The following TSC22D2 variants were observed in gnomAD, a reference collection of about 807,000 sequenced individuals.
The protein encoded by TSC22D2 is TSC22 domain family member 2.
Under a neutral mutation model 50.1 loss-of-function variants are expected in TSC22D2, and 5 were observed. That is an observed-to-expected ratio of 0.10 (90% CI 0.05 to 0.21). TSC22D2 has a LOEUF of 0.21. Ranked by LOEUF, TSC22D2 falls within the 10% of genes least tolerant of loss-of-function variation. The pLI is 1.00. For synonymous variants in TSC22D2, 501 were observed against 450.1 expected (o/e 1.11, Z -1.43); for missense variants, 1,003 against 1,015.5 (o/e 0.99, Z 0.17).
At chr3:150,434,152 G>T (rs1206525344) in intron 1 of TSC22D2, among the ~76,000 whole-genome samples, 258 of 135,446 alleles carry the variant, frequency 1.9e-3, no homozygotes, top group African/African-American at 5.2e-3. Context: ...AGGGTTTTTT[G>T]TTTTTTTTTT....
intron 1 of TSC22D2, among the ~76,000 whole-genome samples, chr3:150,417,065 T>C (rs1415830919): frequency 1.3e-5 from 2 of 152,140 alleles, no homozygotes; most frequent in Non-Finnish European, 1.5e-5. Flanking sequence ...CTGGGACATA[T>C]ACCTATTATT....
chr3:150,423,175 T>A, intron 1 of TSC22D2: 1 of 1,337,396 alleles, frequency 7.5e-7, no homozygotes, highest in Non-Finnish European at 1.1e-6. Context: ...CATGAATTGC[T>A]TTGCACTGTA....
chr3:150,437,172 T>C (rs1401142451), intron 1 of TSC22D2, among the ~76,000 whole-genome samples: 1 of 152,166 alleles, frequency 6.6e-6, no homozygotes, highest in African/African-American at 2.4e-5. Context: ...ATTCAGTGAT[T>C]AACATAGATG....
At chr3:150,420,975 C>T (rs1432719730) in intron 1 of TSC22D2, among the ~76,000 whole-genome samples, 2 of 152,072 alleles carry the variant, frequency 1.3e-5, no homozygotes, top group African/African-American at 2.4e-5. Context: ...CCCCGCTACT[C>T]GGGAGGCTGA....
At position 150,410,134 on chromosome 3, in the gene TSC22D2, A is replaced by C. The variant is rs1383113597; in HGVS notation, c.784A>C (p.Thr262Pro). ...CCCGTCGGAGAAAATGAGCCAGCCC[A>C]CTCCGGCCCAGCCGCAGAGTTTTAG... is the stretch of plus-strand genomic sequence containing the variant. ...LPPSEKMSQP[T>P]PAQPQSFSVG... is the part of the protein sequence containing the mutation. The change falls in exon 1 of 3, where the codon ACT (threonine) becomes CCT (proline). Residue 262 changes from threonine to proline, a missense_variant. Physicochemically the swap from Thr to Pro is conservative, Grantham distance 38. Around this residue, in one of 6 missense-constraint regions of TSC22D2, gnomAD observed 696 missense variants for 647.8 expected, o/e 1.07. Coordinates refer to ENST00000688009, the MANE Select transcript of TSC22D2 (RefSeq NM_001303264.2). 2 of 1,611,580 alleles carry C rather than the reference A, an allele frequency of 1.2e-6. No individual in the cohort carries two copies. Among genetic ancestry groups the C allele is most frequent in the South Asian group, 1.1e-5 (1 of 91,048 alleles).
rs1259201452 is a variant in TSC22D2, at chr3:150,410,223, G to C, written c.873G>C (p.Pro291=). The part of the protein sequence containing the change: ...VGGAVAQSSA[P]LPPFPGAATG... ...GGGCTGTGGCTCAAAGCTCGGCTCC[G>C]CTGCCGCCGTTCCCGGGAGCCGCGA... The change falls in exon 1 of 3, where the codon CCG becomes CCC. Residue 291 remains proline, a synonymous_variant. Coordinates refer to ENST00000688009, the MANE Select transcript of TSC22D2 (RefSeq NM_001303264.2). The C allele has an allele frequency of 6.4e-7, 1 of 1,574,298 alleles. No individual in the cohort carries two copies. The highest frequency in any genetic ancestry group is 8.6e-7 in the Non-Finnish European group (1 of 1,160,454).
chr3:150,458,305 G>C, intron 2 of TSC22D2, 71 bp from the exon 3 acceptor site: 7 of 1,493,334 alleles, frequency 4.7e-6, no homozygotes, highest in East Asian at 2.3e-5. Context: ...TTAGCACCAA[G>C]TAGGCCAGAA....
chr3:150,438,149 T>G, intron 1 of TSC22D2: 1 of 332,940 alleles, frequency 3.0e-6, no homozygotes, highest in South Asian at 2.4e-5. Context: ...ATAAAAGATT[T>G]TTAAAGGCTA....
At chr3:150,452,159 A>G (rs189707549) in intron 1 of TSC22D2, among the ~76,000 whole-genome samples, 1 of 152,154 alleles carries the variant, frequency 6.6e-6, no homozygotes, top group Admixed American at 6.5e-5. Flanking sequence ...AAAAATAGAG[A>G]TCAAGGCTGG....
At position 150,458,453 on chromosome 3, in the gene TSC22D2, T is replaced by G. The variant is rs1220169422; in HGVS notation, c.2088T>G (p.Val696=). The G allele has an allele frequency of 1.2e-6, 2 of 1,614,016 alleles. No individual in the cohort carries two copies. Among genetic ancestry groups the G allele is most frequent in the African/African-American group, 2.7e-5 (2 of 74,912 alleles). Residue 696 remains valine (V), a synonymous_variant, in exon 3 of 3, where the codon GTT becomes GTG. Coordinates refer to ENST00000688009, the MANE Select transcript of TSC22D2 (RefSeq NM_001303264.2). Reference sequence around the variant, plus strand: ...TAAAGGAACAAATAAAAGAATTAGTTGAAAGAAACTCTTTACTTGAACGAG... The same window carrying G: ...TAAAGGAACAAATAAAAGAATTAGTGGAAAGAAACTCTTTACTTGAACGAG... ...EVLKEQIKEL[V]ERNSLLEREN...
In TSC22D2 at chr3:150,410,868, T is replaced by C. The variant is rs749018579; in HGVS notation, c.1518T>C (p.Val506=). Residue 506 remains valine (V), a synonymous_variant, in exon 1 of 3, where the codon GTT becomes GTC. Coordinates refer to ENST00000688009, the MANE Select transcript of TSC22D2 (RefSeq NM_001303264.2). The part of the protein sequence containing the change: ...PGGPHAVVPG[V]PNVPAAVPAP... Reference sequence around the variant, plus strand: ...GCCCTCACGCCGTGGTGCCCGGAGTTCCAAACGTGCCTGCAGCCGTGCCCG... The same window carrying C: ...GCCCTCACGCCGTGGTGCCCGGAGTCCCAAACGTGCCTGCAGCCGTGCCCG... 6.2e-7 allele frequency: 1 copy of C among 1,613,804 alleles called. No homozygotes were observed. The highest frequency in any genetic ancestry group is 1.1e-5 in the South Asian group (1 of 91,080).
At chr3:150,454,701 G>A (rs930441319) in intron 1 of TSC22D2, among the ~76,000 whole-genome samples, 1 of 152,180 alleles carries the variant, frequency 6.6e-6, no homozygotes, top group South Asian at 2.1e-4. Flanking sequence ...CTTCAAGATA[G>A]TTAAAGGTCA....
At chr3:150,427,805 T>C (rs1028177554) in intron 1 of TSC22D2, among the ~76,000 whole-genome samples, 4 of 151,956 alleles carry the variant, frequency 2.6e-5, no homozygotes, top group Non-Finnish European at 4.4e-5. Context: ...CTCCTTCCTT[T>C]CTTCTTCTCT....
Position 150,458,372 on chromosome 3 carries a change from A to G in TSC22D2, c.2011-4A>G, listed in dbSNP as rs1435384073. The G allele has an allele frequency of 2.5e-6, 4 of 1,609,122 alleles. No homozygotes were observed. The highest frequency in any genetic ancestry group is 3.4e-6 in the Non-Finnish European group (4 of 1,177,424). ...TTTGACATTCCTAATTTTGTTTTTCACAGGATCTGGTGAAAAGCCATTTGA... is the reference window on the plus strand; with the variant it reads ...TTTGACATTCCTAATTTTGTTTTTCGCAGGATCTGGTGAAAAGCCATTTGA... On this transcript the variant is annotated splice_polypyrimidine_tract_variant and splice_region_variant and intron_variant, in intron 2 of 2. Coordinates refer to ENST00000688009, the MANE Select transcript of TSC22D2 (RefSeq NM_001303264.2).
At position 150,408,908 on chromosome 3, in the gene TSC22D2, G is replaced by GCCTCCTCCT. The variant is rs962261708; in HGVS notation, c.-435_-427dup. The GCCTCCTCCT allele has an allele frequency of 3.7e-5, 6 of 163,978 alleles. No individual in the cohort carries two copies. Among genetic ancestry groups the GCCTCCTCCT allele is most frequent in the African/African-American group, 1.4e-4 (6 of 41,622 alleles). 10.2% of individuals were successfully genotyped at this position (163,978 alleles called of 1,614,324 possible). A position where few individuals can be genotyped will look rare whatever the true frequency, so the allele number is the denominator to read the frequency against. On this transcript the variant is annotated 5_prime_UTR_variant, in exon 1 of 3. Transcript: ENST00000688009. ...CACCGCCCCTCACGCCGCCGCCACC[G>GCCTCCTCCT]CCTCCTCCTCCTCCTCTTCGCCCTC...
Position 150,435,421 on chromosome 3 carries a change from ACT to A in TSC22D2, c.1959-21652_1959-21651del, listed in dbSNP as rs528709661. Among the ~76,000 whole-genome samples the A allele has an allele frequency of 1.4e-4, 22 of 152,128 alleles. No individual in the cohort carries two copies. In the South Asian group the frequency reaches 4.6e-3, roughly 32 times the overall value. On this transcript the variant is annotated intron_variant, in intron 1 of 2. Transcript: ENST00000688009. ...TTCAATATATATAACCTATGGAATG[ACT>A]CTGTGTAATTTATTGGAGGACATAA... is the stretch of plus-strand genomic sequence containing the variant.
chr3:150,410,955 G>A lies in TSC22D2; in HGVS notation c.1605G>A (p.Leu535=). 3.1e-6 allele frequency: 5 copies of A among 1,614,154 alleles called. No individual in the cohort carries two copies. The highest frequency in any genetic ancestry group is 4.2e-6 in the Non-Finnish European group (5 of 1,180,036). The change falls in exon 1 of 3, where the codon CTG becomes CTA. Residue 535 remains leucine (L), a synonymous_variant. Coordinates refer to ENST00000688009, the MANE Select transcript of TSC22D2 (RefSeq NM_001303264.2). The stretch of plus-strand genomic sequence containing the variant: ...CTATGCCAAATGTACCCGCGCCTCT[G>A]GCCCAGTCGCAACAGCTGAGCAGCC... The part of the protein sequence containing the change: ...SVTMPNVPAP[L]AQSQQLSSHT...
intron 1 of TSC22D2, among the ~76,000 whole-genome samples, chr3:150,431,224 C>CAAAAAAAAAAAAAAAAA (rs71138443): frequency 7.2e-5 from 2 of 27,970 alleles, no homozygotes; most frequent in African/African-American, 3.3e-4. Flanking sequence ...GGCTCTGTCT[C>CAAAAAAAAAAAAAAAAA]AAAAAAAAAA....
At chr3:150,444,199 C>T (rs549886636) in intron 1 of TSC22D2, among the ~76,000 whole-genome samples, 1 of 148,422 alleles carries the variant, frequency 6.7e-6, no homozygotes, top group Admixed American at 6.6e-5. Flanking sequence ...TTACTGTGTT[C>T]CAGCGATACC....
Sources: allele counts gnomAD v4.1 joint callset (sites outside exome capture counted in the v4.1 genomes callset), GRCh38; gene constraint gnomAD v4.1.1; regional missense constraint gnomAD v4.1.1; transcripts MANE v1.5; gene names NCBI Gene and HGNC (gene_info 2026-07-23, HGNC 2026-07-21).